FHIT: variants seen among roughly 807,000 people sequenced by gnomAD.
The protein encoded by FHIT is bis(5'-adenosyl)-triphosphatase.
FHIT carries 19 observed loss-of-function variants against 17.9 expected under a neutral mutation model. That is an observed-to-expected ratio of 1.06 (90% confidence interval 0.74 to 1.56). The LOEUF is 1.56. FHIT is among the 40% of genes most tolerant of loss of function. The pLI is 0.00. For synonymous variants in FHIT, 81 were observed against 69.7 expected, an observed-to-expected ratio of 1.16 and a Z score of -0.81; for missense variants, 248 against 189.2, an observed-to-expected ratio of 1.31 and a Z score of -1.82.
At chr3:60,029,667 T>C (rs1449892572) in intron 5 of FHIT, among the ~76,000 whole-genome samples, 2 of 152,154 alleles carry the variant, frequency 1.3e-5, no homozygotes, top group African/African-American at 2.4e-5. Flanking sequence ...ATGATATTTA[T>C]TGAGAAATGG....
intron 2 of FHIT, among the ~76,000 whole-genome samples, chr3:61,103,057 G>T (rs887335283): frequency 6.6e-6 from 1 of 152,096 alleles, no homozygotes; most frequent in South Asian, 2.1e-4. Context: ...ATCTCTTTCA[G>T]TTCTGCTCTG....
intron 3 of FHIT, among the ~76,000 whole-genome samples, chr3:60,849,178 T>C (rs547665163): frequency 6.6e-6 from 1 of 151,832 alleles, no homozygotes; most frequent in Non-Finnish European, 1.5e-5. Flanking sequence ...GAAGTAGATA[T>C]TTGCTAAGAG....
chr3:60,108,148 T>C (rs1704507585), intron 5 of FHIT, among the ~76,000 whole-genome samples: 2 of 152,208 alleles, frequency 1.3e-5, no homozygotes, highest in South Asian at 2.1e-4. Flanking sequence ...GTATGTGTCA[T>C]GTCAGTTAAG....
intron 4 of FHIT, among the ~76,000 whole-genome samples, chr3:60,814,083 G>A (rs1010532289): frequency 1.3e-5 from 2 of 151,708 alleles, no homozygotes; most frequent in Admixed American, 6.6e-5. Context: ...TTATTTGTTT[G>A]GTTTCTTTGC....
intron 7 of FHIT, among the ~76,000 whole-genome samples, chr3:59,947,164 CA>C (rs1706851089): frequency 6.6e-6 from 1 of 152,118 alleles, no homozygotes; most frequent in Non-Finnish European, 1.5e-5. Context: ...AGTTGTTGGG[CA>C]ATTTATTACT....
intron 3 of FHIT, among the ~76,000 whole-genome samples, chr3:60,924,130 G>A (rs1444131393): frequency 6.6e-6 from 1 of 152,210 alleles, no homozygotes; most frequent in African/African-American, 2.4e-5. Flanking sequence ...CCACCTCTGG[G>A]GGCAGGGCAT....
At chr3:60,694,855 A>T (rs1168195354) in intron 4 of FHIT, among the ~76,000 whole-genome samples, 1 of 152,078 alleles carries the variant, frequency 6.6e-6, no homozygotes, top group Admixed American at 6.6e-5. Flanking sequence ...ACAGGTGGGA[A>T]CTGAACAATG....
intron 3 of FHIT, among the ~76,000 whole-genome samples, chr3:60,846,455 C>T (rs954108730): frequency 2.0e-5 from 3 of 152,116 alleles, no homozygotes; most frequent in Non-Finnish European, 4.4e-5. Context: ...GTTCTAAAGC[C>T]GGAGCCTAAG....
chr3:59,912,695 AT>A (rs1575685264), intron 8 of FHIT, among the ~76,000 whole-genome samples: 1 of 152,304 alleles, frequency 6.6e-6, no homozygotes, highest in Non-Finnish European at 1.5e-5. Flanking sequence ...TAGAGGGAAA[AT>A]ATATGTTGGA....
At chr3:59,882,139 A>T (rs1488090203) in intron 8 of FHIT, among the ~76,000 whole-genome samples, 1 of 152,112 alleles carries the variant, frequency 6.6e-6, no homozygotes, top group Non-Finnish European at 1.5e-5. Context: ...TGCTCAAAAT[A>T]GGAGTCTTTT....
intron 5 of FHIT, among the ~76,000 whole-genome samples, chr3:60,209,610 C>A (rs1360863589): frequency 6.6e-6 from 1 of 152,098 alleles, no homozygotes; most frequent in African/African-American, 2.4e-5. Context: ...AGTTGTGTGA[C>A]CCAGTTTCAG....
chr3:60,718,802 A>G (rs767135414), intron 4 of FHIT, among the ~76,000 whole-genome samples: 2 of 152,274 alleles, frequency 1.3e-5, no homozygotes, highest in East Asian at 3.9e-4. Flanking sequence ...AATTAAACAA[A>G]TTTTTTTGAC....
chr3:60,497,649 C>A (rs566810667), intron 5 of FHIT, among the ~76,000 whole-genome samples: 1 of 152,268 alleles, frequency 6.6e-6, no homozygotes, highest in Non-Finnish European at 1.5e-5. Context: ...ATCACAGGAT[C>A]ATTTCATTAT....
chr3:60,484,460 A>G (rs1188824742), intron 5 of FHIT, among the ~76,000 whole-genome samples: 1 of 152,226 alleles, frequency 6.6e-6, no homozygotes, highest in Admixed American at 6.5e-5. Context: ...TGGTACTGGT[A>G]TCAAAACAGA....
chr3:60,624,253 C>T (rs2039218142), intron 4 of FHIT, among the ~76,000 whole-genome samples: 1 of 152,230 alleles, frequency 6.6e-6, no homozygotes, highest in African/African-American at 2.4e-5. Flanking sequence ...TGGTAAGAGA[C>T]AGCAGGAAAG....
At chr3:61,194,861 A>T (rs1301916609) in intron 2 of FHIT, among the ~76,000 whole-genome samples, 1 of 152,200 alleles carries the variant, frequency 6.6e-6, no homozygotes, top group East Asian at 1.9e-4. Context: ...TCTTCAAATA[A>T]AAGCACTATA....
chr3:61,070,562 CTT>C (rs2034770006), intron 2 of FHIT, among the ~76,000 whole-genome samples: 1 of 152,206 alleles, frequency 6.6e-6, no homozygotes, highest in African/African-American at 2.4e-5. Context: ...AATTCAGTCT[CTT>C]TGGCTCTACC....
intron 5 of FHIT, among the ~76,000 whole-genome samples, chr3:60,288,606 G>GT: frequency 7.1e-6 from 1 of 141,330 alleles, no homozygotes; most frequent in South Asian, 2.3e-4. Context: ...TGTGTGTGTG[G>GT]AGGGGGGTGT....
chr3:60,711,858 T>C (rs575830813), intron 4 of FHIT, among the ~76,000 whole-genome samples: 3 of 152,270 alleles, frequency 2.0e-5, no homozygotes, highest in African/African-American at 4.8e-5. Flanking sequence ...TGCAGGATAT[T>C]ATCCAGGAGA....
Sources: allele counts gnomAD v4.1 joint callset (sites outside exome capture counted in the v4.1 genomes callset), GRCh38; gene constraint gnomAD v4.1.1; transcripts MANE v1.5; gene names NCBI Gene and HGNC (gene_info 2026-07-23, HGNC 2026-07-21).